The following OSBPL10 variants were observed in gnomAD, a reference collection of about 807,000 sequenced individuals.
OSBPL10 encodes the protein oxysterol binding protein like 10, also known as oxysterol-binding protein-related protein 10.
In OSBPL10, 49 loss-of-function variants were observed where a neutral mutation model predicts 81.7. That is an observed-to-expected ratio of 0.60 (90% confidence interval 0.48 to 0.76). The LOEUF (loss-of-function observed/expected upper bound fraction) is 0.76, where lower values mean the gene tolerates loss of function less well. Ranked by LOEUF, OSBPL10 falls within the 30% of genes least tolerant of loss-of-function variation. OSBPL10 has a pLI of 0.00. For missense variants in OSBPL10, 923 were observed against 987.8 expected (o/e 0.93, Z 0.88); for synonymous variants, 419 against 383.6 (o/e 1.09, Z -1.08).
At chr3:32,017,745 A>G (rs1408180394) in intron 2 of OSBPL10, among the ~76,000 whole-genome samples, 1 of 152,176 alleles carries the variant, frequency 6.6e-6, no homozygotes, top group Non-Finnish European at 1.5e-5. Flanking sequence ...CAGTTTTGTC[A>G]TTTGCTGAAA....
intron 1 of OSBPL10, among the ~76,000 whole-genome samples, chr3:31,923,875 T>C (rs191537335): frequency 6.2e-4 from 94 of 152,254 alleles, no homozygotes; most frequent in Admixed American, 1.2e-3. Flanking sequence ...AGTACACAAA[T>C]TCATGTTATT....
intron 4 of OSBPL10, among the ~76,000 whole-genome samples, chr3:31,762,630 A>ATTTTTTTTTTTTTTTT (rs56311731): frequency 0.039 from 2,410 of 61,376 alleles, 691 homozygotes; most frequent in African/African-American, 0.11. Context: ...CATGCCCAGC[A>ATTTTTTTTTTTTTTTT]TTTTTTTTTT....
chr3:31,724,672 A>C (rs1309097058), intron 6 of OSBPL10, among the ~76,000 whole-genome samples: 2 of 152,204 alleles, frequency 1.3e-5, no homozygotes, highest in East Asian at 3.8e-4. Flanking sequence ...TTAATCCCCC[A>C]AAACTGCACA....
At chr3:31,801,519 GGCCAA>G (rs1292432326) in intron 4 of OSBPL10, among the ~76,000 whole-genome samples, 4 of 152,198 alleles carry the variant, frequency 2.6e-5, no homozygotes, top group African/African-American at 9.6e-5. Context: ...GTGAAACAGA[GGCCAA>G]TTTCTGAGCA....
intron 6 of OSBPL10, among the ~76,000 whole-genome samples, chr3:31,705,963 C>A (rs1331253986): frequency 2.6e-5 from 4 of 152,030 alleles, no homozygotes; most frequent in Non-Finnish European, 2.9e-5. Flanking sequence ...TGCAAATGAG[C>A]CAGCCCAGCC....
intron 4 of OSBPL10, among the ~76,000 whole-genome samples, chr3:31,814,025 GCC>G (rs1699773143): frequency 6.6e-6 from 1 of 152,130 alleles, no homozygotes; most frequent in African/African-American, 2.4e-5. Context: ...AAAGAGCCTG[GCC>G]CTGTCCACCA....
intron 3 of OSBPL10, among the ~76,000 whole-genome samples, chr3:31,847,653 A>G (rs1215852248): frequency 6.6e-6 from 1 of 152,156 alleles, no homozygotes; most frequent in East Asian, 1.9e-4. Flanking sequence ...CAACACTGAG[A>G]GAGAGAATAC....
Position 31,670,742 on chromosome 3 carries a change from G to C in OSBPL10, c.1913+55C>G, listed in dbSNP as rs375826602. The C allele has an allele frequency of 7.3e-6, 11 of 1,515,008 alleles. No individual in the cohort carries two copies. In the African/African-American group the frequency reaches 1.4e-4, roughly 19 times the overall value. The allele number at this position is 1,515,008 out of a possible 1,614,324, so 93.8% of individuals were successfully genotyped here. On this transcript the variant is annotated intron_variant, in intron 9 of 11. Coordinates refer to ENST00000396556, the MANE Select transcript of OSBPL10 (RefSeq NM_017784.5). The stretch of plus-strand genomic sequence containing the variant: ...AAACTCAGTCTTCTAATGGTGAAAG[G>C]AAACTCAGGGCATCTTGTTAAGACA...
At chr3:31,751,320 C>A (rs1311775115) in intron 4 of OSBPL10, among the ~76,000 whole-genome samples, 1 of 152,076 alleles carries the variant, frequency 6.6e-6, no homozygotes, top group African/African-American at 2.4e-5. Context: ...ACACTCCAGT[C>A]TGGGCGACAG....
At chr3:31,695,970 G>C (rs543098390) in intron 7 of OSBPL10, among the ~76,000 whole-genome samples, 1 of 152,092 alleles carries the variant, frequency 6.6e-6, no homozygotes, top group Non-Finnish European at 1.5e-5. Flanking sequence ...CATACAGAGC[G>C]GCCCTATGAG....
intron 1 of OSBPL10, among the ~76,000 whole-genome samples, chr3:31,911,357 A>G (rs1328122681): frequency 6.6e-6 from 1 of 152,154 alleles, no homozygotes; most frequent in African/African-American, 2.4e-5. Flanking sequence ...TTAATCTTAA[A>G]GCTACTCTCA....
At chr3:31,827,908 G>A (rs1312811110) in intron 4 of OSBPL10, among the ~76,000 whole-genome samples, 1 of 152,054 alleles carries the variant, frequency 6.6e-6, no homozygotes, top group East Asian at 1.9e-4. Flanking sequence ...TTAAATGAAG[G>A]TAGAAAACAT....
chr3:31,744,947 A>G (rs796189290), intron 5 of OSBPL10, among the ~76,000 whole-genome samples: 1 of 152,234 alleles, frequency 6.6e-6, no homozygotes, highest in African/African-American at 2.4e-5. Context: ...AATATAGGGC[A>G]AAAGAGACCA....
At chr3:32,047,803 C>T (rs893259718) in intron 1 of OSBPL10, among the ~76,000 whole-genome samples, 1 of 152,000 alleles carries the variant, frequency 6.6e-6, no homozygotes, top group Non-Finnish European at 1.5e-5. Flanking sequence ...GCTGGGACTA[C>T]AGGCACCTGC....
chr3:31,739,131 CT>C (rs1697269590), intron 5 of OSBPL10, among the ~76,000 whole-genome samples: 1 of 152,102 alleles, frequency 6.6e-6, no homozygotes, highest in Non-Finnish European at 1.5e-5. Context: ...GGTGTGATCA[CT>C]GCATACCACA....
intron 6 of OSBPL10, among the ~76,000 whole-genome samples, chr3:31,719,549 A>G (rs1441318160): frequency 2.6e-5 from 4 of 152,224 alleles, no homozygotes; most frequent in African/African-American, 4.8e-5. Context: ...TGGAAATAAA[A>G]TAAGAGCTTG....
chr3:31,818,566 A>G (rs4955208), intron 4 of OSBPL10, among the ~76,000 whole-genome samples: 105,036 of 152,020 alleles, frequency 0.69, 36,835 homozygotes, highest in East Asian at 0.93. Flanking sequence ...CAGGAGCCCA[A>G]CGGTCTGTGA....
chr3:31,871,304 C>T (rs895786627), intron 3 of OSBPL10, among the ~76,000 whole-genome samples: 4 of 151,996 alleles, frequency 2.6e-5, no homozygotes, highest in Non-Finnish European at 5.9e-5. Flanking sequence ...TCCAGATGCG[C>T]CGCCTTAAGA....
intron 3 of OSBPL10, among the ~76,000 whole-genome samples, chr3:31,860,203 C>G (rs573003622): frequency 4.6e-5 from 7 of 152,246 alleles, no homozygotes; most frequent in South Asian, 2.1e-4. Context: ...AAGCCTGCAC[C>G]TCGGCAACCT....
Sources: gnomAD v4.1 joint callset for allele counts (sites outside exome capture counted in the v4.1 genomes callset) on GRCh38, gnomAD v4.1.1 for gene constraint, MANE v1.5 for transcripts, NCBI Gene and HGNC (gene_info 2026-07-23, HGNC 2026-07-21) for gene names.